Variants in TENM1 observed in about 807,000 individuals in gnomAD.
TENM1 encodes teneurin transmembrane protein 1.
A neutral mutation model predicts 174.8 loss-of-function variants in TENM1; 35 were observed. That is an observed-to-expected ratio of 0.20 (90% confidence interval 0.15 to 0.27). The LOEUF (loss-of-function observed/expected upper bound fraction) is 0.27. TENM1 is among the 10% of genes least tolerant of loss of function. The pLI, the probability that TENM1 is intolerant of heterozygous loss-of-function variation, is 1.00. For missense variants in TENM1, 1,633 were observed against 2,130.1 expected, an observed-to-expected ratio of 0.77 and a Z score of 4.59; for synonymous variants, 781 against 798.7, an observed-to-expected ratio of 0.98 and a Z score of 0.37.
At chrX:125,161,039 T>TAAAAAAAA in the TENM1 span, among the ~76,000 whole-genome samples, 54 of 53,326 alleles carry the variant, frequency 1.0e-3, no homozygotes, top group Non-Finnish European at 1.1e-3. Context: ...GGCCAAAAAG[T>TAAAAAAAA]AAAAAAAAAA....
rs750478968 is a variant in TENM1 at position 124,834,384 on chromosome X, T to A, written c.535+59912A>T. On this transcript the variant is annotated intron_variant, in intron 3 of 31. Transcript: ENST00000422452. ...ATGGGGTTTCGCCACATGGCCCAGG[T>A]TAGTCTCAAACTCCTGAGCTCAAAG... Among the ~76,000 whole-genome samples the A allele has an allele frequency of 2.7e-5, 3 of 111,669 alleles. No homozygotes were observed. In the South Asian group the frequency reaches 1.1e-3, roughly 42 times the overall value.
At chrX:124,931,586 C>T (rs2058172300) in intron 1 of TENM1, among the ~76,000 whole-genome samples, 2 of 111,262 alleles carry the variant, frequency 1.8e-5, no homozygotes. Flanking sequence ...GAGTTATTTC[C>T]TCGGCAGGAA....
chrX:124,431,346 T>G (rs2060777114), intron 23 of TENM1, among the ~76,000 whole-genome samples: 1 of 112,189 alleles, frequency 8.9e-6, no homozygotes, highest in Non-Finnish European at 1.9e-5. Context: ...GTGGCTCATT[T>G]AAAAAATGAC....
At chrX:124,751,946 A>G (rs2054083581) in intron 3 of TENM1, among the ~76,000 whole-genome samples, 3 of 110,617 alleles carry the variant, frequency 2.7e-5, no homozygotes, top group Non-Finnish European at 5.7e-5. Flanking sequence ...GTGCCGCAAT[A>G]AACATACGTG....
chrX:124,583,699 G>A (rs1296961649), intron 11 of TENM1, among the ~76,000 whole-genome samples: 4 of 112,257 alleles, frequency 3.6e-5, no homozygotes, highest in African/African-American at 1.3e-4. Context: ...TGACTTTGAC[G>A]AGTTGAGAGA....
At chrX:124,600,426 G>C (rs1011482488) in intron 11 of TENM1, among the ~76,000 whole-genome samples, 2 of 111,495 alleles carry the variant, frequency 1.8e-5, no homozygotes, top group Non-Finnish European at 3.8e-5. Flanking sequence ...GTTATCACAG[G>C]TATGAATAAA....
At chrX:124,620,215 G>A (rs2050487320) in intron 11 of TENM1, among the ~76,000 whole-genome samples, 1 of 111,645 alleles carries the variant, frequency 9.0e-6, no homozygotes, top group African/African-American at 3.3e-5. Flanking sequence ...TCAAGTACTT[G>A]AAGATTATTA....
intron 4 of TENM1, among the ~76,000 whole-genome samples, chrX:124,731,349 A>G (rs1218765680): frequency 8.9e-6 from 1 of 111,946 alleles, no homozygotes; most frequent in Admixed American, 9.5e-5. Flanking sequence ...TAAAATCAAT[A>G]TCAGTAACCA....
At chrX:124,737,042 C>T in exon 4 of TENM1, 3 of 1,211,468 alleles carry the variant, frequency 2.5e-6, no homozygotes, top group Admixed American at 2.2e-5. Context: ...GGAGCTGGAG[C>T]AGCTGGGCTG....
exon 29 of TENM1, chrX:124,386,011 T>C (rs767653992): frequency 1.7e-6 from 2 of 1,207,877 alleles, no homozygotes; most frequent in Admixed American, 4.4e-5. Context: ...GACAATCTGG[T>C]TGGTCATACT....
chrX:124,934,794 A>T (rs1699662342), intron 1 of TENM1, among the ~76,000 whole-genome samples: 1 of 111,720 alleles, frequency 9.0e-6, no homozygotes, highest in Non-Finnish European at 1.9e-5. Flanking sequence ...AGTGGAAGAA[A>T]ATGGAGCCCT....
At chrX:125,115,487 A>T in the TENM1 span, among the ~76,000 whole-genome samples, 1 of 110,934 alleles carries the variant, frequency 9.0e-6, no homozygotes, top group Non-Finnish European at 1.9e-5. Flanking sequence ...TATTTAGAAA[A>T]CTCCATCGTC....
the TENM1 span, among the ~76,000 whole-genome samples, chrX:125,019,353 AT>A: frequency 9.0e-6 from 1 of 111,667 alleles, no homozygotes; most frequent in Admixed American, 9.6e-5. Flanking sequence ...ATTTAATTAA[AT>A]ATTTAAAATT....
the TENM1 span, among the ~76,000 whole-genome samples, chrX:125,161,039 TAAA>T: frequency 0.044 from 2,340 of 53,402 alleles, 80 homozygotes; most frequent in African/African-American, 0.15. Flanking sequence ...GGCCAAAAAG[TAAA>T]AAAAAAAAAA....
the TENM1 span, among the ~76,000 whole-genome samples, chrX:125,010,988 T>C: frequency 9.0e-6 from 1 of 110,671 alleles, no homozygotes; most frequent in Non-Finnish European, 1.9e-5. Flanking sequence ...AACAGACATA[T>C]AGGCCAATGG....
intron 1 of TENM1, among the ~76,000 whole-genome samples, chrX:124,909,296 T>C (rs1056142063): frequency 1.5e-4 from 17 of 112,363 alleles, no homozygotes; most frequent in African/African-American, 5.5e-4. Flanking sequence ...ATGCAGCATA[T>C]TATAAGCAGC....
chrX:124,746,802 T>C (rs751409242), intron 3 of TENM1, among the ~76,000 whole-genome samples: 1 of 110,909 alleles, frequency 9.0e-6, no homozygotes, highest in East Asian at 2.8e-4. Context: ...TTGATATAGA[T>C]GTGTCTGCTA....
chrX:124,504,209 TTA>T (rs1280753544), intron 18 of TENM1, among the ~76,000 whole-genome samples: 8 of 112,134 alleles, frequency 7.1e-5, no homozygotes, highest in African/African-American at 2.6e-4. Context: ...TTTGCCCAAT[TTA>T]TGTTTTCCTG....
At chrX:124,581,554 C>T (rs1480912277) in intron 11 of TENM1, among the ~76,000 whole-genome samples, 1 of 112,095 alleles carries the variant, frequency 8.9e-6, no homozygotes, top group Non-Finnish European at 1.9e-5. Flanking sequence ...TATATATCCC[C>T]AGTAATGGGA....
Sources: allele counts gnomAD v4.1 joint callset (sites outside exome capture counted in the v4.1 genomes callset), GRCh38; gene constraint gnomAD v4.1.1; transcripts MANE v1.5; gene names NCBI Gene and HGNC (gene_info 2026-07-23, HGNC 2026-07-21).